AGAP1: variants seen among roughly 807,000 people sequenced by gnomAD.
The protein encoded by AGAP1 is arf-GAP with GTPase, ANK repeat and PH domain-containing protein 1.
A neutral mutation model predicts 105.3 loss-of-function variants in AGAP1; 29 were observed. The observed-to-expected ratio is 0.28, with a 90% CI of 0.21 to 0.38. The LOEUF (loss-of-function observed/expected upper bound fraction) is 0.38. Among genes scored for constraint, AGAP1 ranks in the 10% least tolerant of loss-of-function variants. AGAP1 has a pLI of 1.00. For synonymous variants in AGAP1, 509 were observed against 485.9 expected (o/e 1.05, Z -0.63); for missense variants, 998 against 1,165.1 (o/e 0.86, Z 2.09).
intron 9 of AGAP1, among the ~76,000 whole-genome samples, chr2:235,826,621 T>G (rs1306503523): frequency 6.6e-6 from 1 of 152,144 alleles, no homozygotes; most frequent in East Asian, 1.9e-4. Context: ...AGCTAATTTT[T>G]GTATTTTTAG....
chr2:235,659,727 AT>A lies in AGAP1; in HGVS notation c.164-49449del, dbSNP rs762141260. 6.6e-6 allele frequency among the ~76,000 whole-genome samples: 1 copy of A among 152,156 alleles called. No individual in the cohort carries two copies. Among genetic ancestry groups the A allele is most frequent in the Non-Finnish European group, 1.5e-5 (1 of 68,030 alleles). On this transcript the variant is annotated intron_variant, in intron 1 of 17. Transcript: ENST00000304032. This position sits in a 1 kb window ranked among gnomAD's most constrained non-coding sequence, Gnocchi z 5.0. ...AGTTCTCAGTTATTCCAAGTATTCT[AT>A]TTCTTAATGGATCTTCTAAGCCCTG... is the stretch of plus-strand genomic sequence containing the variant.
chr2:235,843,415 C>T lies in AGAP1; in HGVS notation c.1050+36084C>T, dbSNP rs529704954. On this transcript the variant is annotated intron_variant, in intron 9 of 17. Coordinates refer to ENST00000304032, the MANE Select transcript of AGAP1 (RefSeq NM_001037131.3). This position sits in a 1 kb window ranked among gnomAD's most constrained non-coding sequence, Gnocchi z 5.9. ...CTCGGTGTCTGCTTATTGCATGGCA[C>T]GGTCTGGTTGGGCCCCACTTTCTTC... Among the ~76,000 whole-genome samples the T allele has an allele frequency of 3.3e-5, 5 of 152,260 alleles. No homozygotes were observed. The highest frequency in any genetic ancestry group is 1.9e-4 in the East Asian group (1 of 5,174).
Position 236,036,634 on chromosome 2 carries a change from TGAG to T in AGAP1, c.1723_1725del (p.Glu575del). The T allele has an allele frequency of 9.9e-6, 16 of 1,614,162 alleles. No individual in the cohort carries two copies. The highest frequency in any genetic ancestry group is 1.4e-5 in the Non-Finnish European group (16 of 1,180,036). On this transcript the variant is annotated inframe_deletion, in exon 14 of 18. Coordinates refer to ENST00000304032, the MANE Select transcript of AGAP1 (RefSeq NM_001037131.3). This position sits in a 1 kb window ranked among gnomAD's most constrained non-coding sequence, Gnocchi z 5.7. The stretch of plus-strand genomic sequence containing the variant: ...CATGGCACTTTGAAGCCACGACGTA[TGAG>T]GAGCGGGACGCCTGGGTCCAAGCCA...
In AGAP1 at chr2:236,012,430, A is replaced by G. The variant is rs1341631633; in HGVS notation, c.1646-24131A>G. 6.6e-6 allele frequency among the ~76,000 whole-genome samples: 1 copy of G among 152,172 alleles called. No homozygotes were observed. The highest frequency in any genetic ancestry group is 6.5e-5 in the Admixed American group (1 of 15,276). On this transcript the variant is annotated intron_variant, in intron 13 of 17. Transcript: ENST00000304032. The surrounding 1 kb of genome is among the most constrained non-coding windows in gnomAD (Gnocchi z 4.9). ...ATACTGTCCCAGACACCAGAGCTGC[A>G]GCAGTTAAAAATTAAGCCCATGCCT...
At chr2:235,932,582 C>T (rs981242619) in intron 12 of AGAP1, among the ~76,000 whole-genome samples, 2 of 152,326 alleles carry the variant, frequency 1.3e-5, no homozygotes, top group South Asian at 2.1e-4. Context: ...ACAGGTGACA[C>T]GGACAAGGCC....
At chr2:235,706,735 G>A (rs1575182015) in intron 1 of AGAP1, among the ~76,000 whole-genome samples, 1 of 152,190 alleles carries the variant, frequency 6.6e-6, no homozygotes, top group African/African-American at 2.4e-5. Flanking sequence ...GGTGTGGTTT[G>A]TTACAGTGCA....
intron 9 of AGAP1, among the ~76,000 whole-genome samples, chr2:235,857,948 T>C (rs2048757974): frequency 6.6e-6 from 1 of 152,174 alleles, no homozygotes; most frequent in Non-Finnish European, 1.5e-5. Flanking sequence ...CAGGGCTGCT[T>C]CCTGGGTGAT....
intron 6 of AGAP1, among the ~76,000 whole-genome samples, chr2:235,755,909 C>T (rs1953887207): frequency 6.6e-6 from 1 of 152,106 alleles, no homozygotes; most frequent in East Asian, 1.9e-4. Context: ...GATTTTTCAG[C>T]CTACATGCTG....
chr2:235,752,006 G>A lies in AGAP1; in HGVS notation c.673+1518G>A, dbSNP rs1450899248. Among the ~76,000 whole-genome samples the A allele has an allele frequency of 6.6e-6, 1 of 152,188 alleles. No homozygotes were observed. Among genetic ancestry groups the A allele is most frequent in the Non-Finnish European group, 1.5e-5 (1 of 68,034 alleles). On this transcript the variant is annotated intron_variant, in intron 6 of 17. Transcript: ENST00000304032. This position sits in a 1 kb window ranked among gnomAD's most constrained non-coding sequence, Gnocchi z 4.3. ...ATGAGTGAGATGTTAGTGAGACTTG[G>A]AAGAACTGTGCAGGGAGGCCCTTAG...
intron 6 of AGAP1, among the ~76,000 whole-genome samples, chr2:235,775,452 C>G (rs1955789364): frequency 6.6e-6 from 1 of 152,112 alleles, no homozygotes; most frequent in Admixed American, 6.5e-5. Flanking sequence ...CCATAGAAAG[C>G]TTTTTAAACA....
At position 235,919,354 on chromosome 2, in the gene AGAP1, C is replaced by G. The variant is rs919080146; in HGVS notation, c.1324+10448C>G. Among the ~76,000 whole-genome samples, 2 of 152,114 alleles carry G rather than the reference C, an allele frequency of 1.3e-5. No homozygotes were observed. The highest frequency in any genetic ancestry group is 4.8e-5 in the African/African-American group (2 of 41,404). On this transcript the variant is annotated intron_variant, in intron 11 of 17. Coordinates refer to ENST00000304032, the MANE Select transcript of AGAP1 (RefSeq NM_001037131.3). This position sits in a 1 kb window ranked among gnomAD's most constrained non-coding sequence, Gnocchi z 4.1. ...TTTTTCCATCTCGAAACCTTGTGGC[C>G]CATTGTTTTGAGTTACCACTCATAT...
At position 235,705,103 on chromosome 2, in the gene AGAP1, C is replaced by A. The variant is rs2675122; in HGVS notation, c.164-4076C>A. 0.78 allele frequency among the ~76,000 whole-genome samples: 117,589 copies of A among 151,234 alleles called. 46,003 individuals carry two copies. Among genetic ancestry groups the A allele is most frequent in the East Asian group, 0.97 (4,922 of 5,092 alleles). On this transcript the variant is annotated intron_variant, in intron 1 of 17. Coordinates refer to ENST00000304032, the MANE Select transcript of AGAP1 (RefSeq NM_001037131.3). The surrounding 1 kb of genome is among the most constrained non-coding windows in gnomAD (Gnocchi z 4.9). ...AAGCACTTCTCCTGCCTCAGCCTCC[C>A]GAGCAGCTGGGATTACAATCATGTG... is the stretch of plus-strand genomic sequence containing the variant.
intron 8 of AGAP1, among the ~76,000 whole-genome samples, chr2:235,803,249 T>G (rs1300400817): frequency 2.0e-5 from 3 of 152,050 alleles, no homozygotes; most frequent in Admixed American, 2.0e-4. Context: ...AAGTTGAAGT[T>G]CCTGGAAATA....
chr2:235,978,492 TAAAAC>T (rs1313360831), intron 13 of AGAP1, among the ~76,000 whole-genome samples: 1 of 152,214 alleles, frequency 6.6e-6, no homozygotes, highest in East Asian at 1.9e-4. Flanking sequence ...ATTGCATCCT[TAAAAC>T]AACCCTGTGT....
At chr2:235,746,877 G>A (rs915867418) in intron 5 of AGAP1, among the ~76,000 whole-genome samples, 33 of 152,016 alleles carry the variant, frequency 2.2e-4, no homozygotes, top group Non-Finnish European at 5.9e-5. Flanking sequence ...GATCCCCTGC[G>A]ATCAGGTTCT....
Position 235,960,176 on chromosome 2 carries a change from G to A in AGAP1, c.1484-8286G>A, listed in dbSNP as rs545429779. On this transcript the variant is annotated intron_variant, in intron 12 of 17. Coordinates refer to ENST00000304032, the MANE Select transcript of AGAP1 (RefSeq NM_001037131.3). The surrounding 1 kb of genome is among the most constrained non-coding windows in gnomAD (Gnocchi z 4.9). ...GGCCCTGTAAGCAGCAGATCAGAGCGTGGGCTGGTGCTGCTTCCAGGATCA... is the reference window on the plus strand; with the variant it reads ...GGCCCTGTAAGCAGCAGATCAGAGCATGGGCTGGTGCTGCTTCCAGGATCA... Among the ~76,000 whole-genome samples the A allele has an allele frequency of 8.5e-5, 13 of 152,324 alleles. No homozygotes were observed. The highest frequency in any genetic ancestry group is 1.9e-4 in the East Asian group (1 of 5,166).
In AGAP1 at chr2:235,960,535, C is replaced by T. The variant is rs2054136644; in HGVS notation, c.1484-7927C>T. On this transcript the variant is annotated intron_variant, in intron 12 of 17. Transcript: ENST00000304032. The surrounding 1 kb of genome is among the most constrained non-coding windows in gnomAD (Gnocchi z 4.9). Reference sequence around the variant, plus strand: ...AGTGCAGGTGGGCGTGCGGACTCTTCCGTACCTCACTTCTCCCTGCACCTG... The same window carrying T: ...AGTGCAGGTGGGCGTGCGGACTCTTTCGTACCTCACTTCTCCCTGCACCTG... 6.6e-6 allele frequency among the ~76,000 whole-genome samples: 1 copy of T among 152,154 alleles called. No homozygotes were observed. Among genetic ancestry groups the T allele is most frequent in the Non-Finnish European group, 1.5e-5 (1 of 68,030 alleles).
At chr2:235,969,336 C>T (rs972576277) in intron 13 of AGAP1, among the ~76,000 whole-genome samples, 1 of 151,894 alleles carries the variant, frequency 6.6e-6, no homozygotes, top group Non-Finnish European at 1.5e-5. Flanking sequence ...ACACCCCCCA[C>T]ATTATGAGAG....
intron 9 of AGAP1, among the ~76,000 whole-genome samples, chr2:235,853,637 G>C (rs1211615969): frequency 1.3e-5 from 2 of 152,158 alleles, no homozygotes; most frequent in Non-Finnish European, 2.9e-5. Flanking sequence ...CAATATGACT[G>C]AACAGTGATT....
Sources: gnomAD v4.1 joint callset for allele counts (sites outside exome capture counted in the v4.1 genomes callset) on GRCh38, gnomAD v4.1.1 for gene constraint, Gnocchi (gnomAD v3.1) non-coding constraint, MANE v1.5 for transcripts, NCBI Gene and HGNC (gene_info 2026-07-23, HGNC 2026-07-21) for gene names.